The following BBS9 variants were observed in gnomAD, a reference collection of about 807,000 sequenced individuals.
BBS9 encodes Bardet-Biedl syndrome 9.
Under a neutral mutation model 117.7 loss-of-function variants are expected in BBS9, and 89 were observed. That is an observed-to-expected ratio of 0.76 (90% CI 0.64 to 0.90). The LOEUF (loss-of-function observed/expected upper bound fraction) is 0.90. Among genes scored for constraint, BBS9 ranks in the 40% least tolerant of loss-of-function variants. The pLI is 0.00. For missense variants in BBS9, 982 were observed against 1,042.2 expected (o/e 0.94, Z 0.80); for synonymous variants, 379 against 370.9 (o/e 1.02, Z -0.25).
chr7:33,550,484 C>T (rs529663982), intron 21 of BBS9, among the ~76,000 whole-genome samples: 1 of 152,180 alleles, frequency 6.6e-6, no homozygotes, highest in South Asian at 2.1e-4. Context: ...TGGCCTATTC[C>T]TCTGGCTTAG....
rs1821183861 is a variant in BBS9, at chr7:33,364,074, G to C, written c.1694-3693G>C. 4.6e-5 allele frequency among the ~76,000 whole-genome samples: 4 copies of C among 86,500 alleles called. 2 individuals carry two copies. The South Asian group carries it at 1.6e-3, about 35-fold the overall frequency. 56.7% of individuals were successfully genotyped at this position (86,500 alleles called of 152,430 possible). ...CGCCATTCTCCTGCCTCAGCCTCCCGAGTAGCTGGGACTACAGGCGCCCGC... is the reference window on the plus strand; with the variant it reads ...CGCCATTCTCCTGCCTCAGCCTCCCCAGTAGCTGGGACTACAGGCGCCCGC... On this transcript the variant is annotated intron_variant, in intron 16 of 22. Transcript: ENST00000242067.
In BBS9 at chr7:33,199,116, G is replaced by A. The variant is rs192680419; in HGVS notation, c.442+21525G>A. 3.1e-4 allele frequency among the ~76,000 whole-genome samples: 47 copies of A among 152,002 alleles called. No homozygotes were observed. The East Asian group carries it at 7.5e-3, about 24-fold the overall frequency. On this transcript the variant is annotated intron_variant, in intron 5 of 22. Transcript: ENST00000242067. ...GGTTCTTTTCTTTTTGAAAGATGGC[G>A]ACAAATTCTTTTTAAACTTGGGAAA...
chr7:33,346,657 A>G (rs1014109736), intron 12 of BBS9, among the ~76,000 whole-genome samples: 10 of 152,184 alleles, frequency 6.6e-5, no homozygotes, highest in Non-Finnish European at 1.5e-4. Flanking sequence ...GTATTTTGAA[A>G]GGGCCTAGCC....
intron 19 of BBS9, among the ~76,000 whole-genome samples, chr7:33,494,861 G>C (rs1844499594): frequency 6.6e-6 from 1 of 152,074 alleles, no homozygotes; most frequent in Non-Finnish European, 1.5e-5. Context: ...TGTTCCAATA[G>C]CCTGTGATTG....
chr7:33,526,841 C>T (rs1383185405), intron 20 of BBS9, among the ~76,000 whole-genome samples: 1 of 151,776 alleles, frequency 6.6e-6, no homozygotes, highest in Non-Finnish European at 1.5e-5. Context: ...TTAGAGTTTC[C>T]AGTTTTTCTG....
At chr7:33,248,755 G>A (rs1366543010) in intron 5 of BBS9, among the ~76,000 whole-genome samples, 3 of 152,064 alleles carry the variant, frequency 2.0e-5, no homozygotes, top group African/African-American at 7.2e-5. Context: ...CCGTGCATGC[G>A]TAAAATGAAC....
chr7:33,333,594 T>A (rs570920387), intron 9 of BBS9, among the ~76,000 whole-genome samples: 1 of 151,928 alleles, frequency 6.6e-6, no homozygotes, highest in African/African-American at 2.4e-5. Context: ...TACTCAGCCA[T>A]AAAAATAAAC....
intron 5 of BBS9, among the ~76,000 whole-genome samples, chr7:33,246,231 G>A (rs1795306181): frequency 6.6e-6 from 1 of 151,658 alleles, no homozygotes; most frequent in African/African-American, 2.4e-5. Context: ...ATTTTGATTT[G>A]CCTTTTAAAA....
intron 12 of BBS9, 49 bp from the exon 13 acceptor site, chr7:33,349,019 G>A (rs1818118494): frequency 7.7e-7 from 1 of 1,302,478 alleles, no homozygotes; most frequent in African/African-American, 1.4e-5. Context: ...TAGTCTATCA[G>A]TTTGAATAAA....
chr7:33,472,767 C>G (rs1419904), intron 19 of BBS9, among the ~76,000 whole-genome samples: 118,421 of 152,184 alleles, frequency 0.78, 46,910 homozygotes, highest in African/African-American at 0.93. Context: ...GGTAGCATTA[C>G]CCCCACTCTC....
intron 5 of BBS9, among the ~76,000 whole-genome samples, chr7:33,246,545 C>G (rs1282665300): frequency 2.6e-5 from 4 of 151,890 alleles, no homozygotes; most frequent in Non-Finnish European, 4.4e-5. Flanking sequence ...GGAGTATTCT[C>G]TGGGGTCTTA....
intron 5 of BBS9, among the ~76,000 whole-genome samples, chr7:33,236,959 A>G (rs1308198516): frequency 1.3e-5 from 2 of 152,152 alleles, no homozygotes; most frequent in Non-Finnish European, 2.9e-5. Flanking sequence ...ATGCATACAC[A>G]TTATAATTAA....
intron 5 of BBS9, among the ~76,000 whole-genome samples, chr7:33,256,726 A>T (rs983972186): frequency 6.6e-6 from 1 of 152,194 alleles, no homozygotes; most frequent in African/African-American, 2.4e-5. Flanking sequence ...ATGACAAGGT[A>T]CAAGATTGGC....
At chr7:33,267,469 GTT>G (rs34552202) in intron 7 of BBS9, among the ~76,000 whole-genome samples, 1 of 150,386 alleles carries the variant, frequency 6.6e-6, no homozygotes, top group Admixed American at 6.6e-5. Context: ...GATTTATCCA[GTT>G]TTTTTTTTAA....
chr7:33,564,153 G>A (rs78274231), intron 21 of BBS9, among the ~76,000 whole-genome samples: 1 of 152,236 alleles, frequency 6.6e-6, no homozygotes, highest in African/African-American at 2.4e-5. Flanking sequence ...AGAGAGGAGA[G>A]ATATCTTATT....
At chr7:33,587,439 T>C (rs777979670) in intron 21 of BBS9, among the ~76,000 whole-genome samples, 6 of 152,140 alleles carry the variant, frequency 3.9e-5, no homozygotes, top group Non-Finnish European at 8.8e-5. Context: ...TTTGATACCA[T>C]TTTAAAAATT....
At chr7:33,453,709 A>G (rs549813451) in intron 19 of BBS9, among the ~76,000 whole-genome samples, 17 of 152,094 alleles carry the variant, frequency 1.1e-4, no homozygotes, top group Non-Finnish European at 2.2e-4. Flanking sequence ...TAGTAGAGAC[A>G]GGGTTTCACC....
At chr7:33,396,955 A>G (rs142792086) in intron 19 of BBS9, among the ~76,000 whole-genome samples, 57 of 152,236 alleles carry the variant, frequency 3.7e-4, no homozygotes, top group African/African-American at 1.3e-3. Context: ...GCCATATGCA[A>G]AAATTGAAAC....
intron 5 of BBS9, among the ~76,000 whole-genome samples, chr7:33,242,654 C>T (rs768549386): frequency 9.2e-5 from 14 of 151,996 alleles, no homozygotes; most frequent in Non-Finnish European, 1.8e-4. Flanking sequence ...CTCTACTTGT[C>T]CCCTACTTAT....
Sources: gnomAD v4.1 joint callset for allele counts (sites outside exome capture counted in the v4.1 genomes callset) on GRCh38, gnomAD v4.1.1 for gene constraint, MANE v1.5 for transcripts, NCBI Gene and HGNC (gene_info 2026-07-23, HGNC 2026-07-21) for gene names.